Variants in CARHSP1 observed in about 807,000 individuals in gnomAD.
The protein encoded by CARHSP1 is calcium-regulated heat-stable protein 1.
Under a neutral mutation model 12.5 loss-of-function variants are expected in CARHSP1, and 14 were observed. The ratio of observed to expected loss-of-function variants is 1.12; its 90% CI spans 0.74 to 1.75. The LOEUF (loss-of-function observed/expected upper bound fraction) is 1.75, where lower values mean the gene tolerates loss of function less well. CARHSP1 is among the 40% of genes most tolerant of loss of function. CARHSP1 has a pLI of 0.00. For missense variants in CARHSP1, 343 were observed against 201.6 expected, an observed-to-expected ratio of 1.70 and a Z score of -4.25; for synonymous variants, 161 against 82.0, an observed-to-expected ratio of 1.96 and a Z score of -5.20.
chr16:8,857,272 T>TTTG (rs1567181148), intron 3 of CARHSP1, among the ~76,000 whole-genome samples: 1 of 29,336 alleles, frequency 3.4e-5, no homozygotes, highest in Middle Eastern at 0.012. Context: ...TGTTTTTTTT[T>TTTG]TTTTTTTTTT....
rs780248682 is a variant in CARHSP1 at position 8,859,351 on chromosome 16, G to A, written c.-7-16C>T. On this transcript the variant is annotated splice_polypyrimidine_tract_variant and intron_variant, in intron 1 of 3. Coordinates refer to ENST00000311052, the MANE Select transcript of CARHSP1 (RefSeq NM_014316.4). ...CATGGCTGACCTGGAAAGAGAAGAG[G>A]CTGTCAGGGGCTCGTGCCTTGCAAG... 8.2e-5 allele frequency: 130 copies of A among 1,591,806 alleles called. No homozygotes were observed. Among genetic ancestry groups the A allele is most frequent in the Admixed American group, 3.1e-4 (18 of 58,500 alleles).
Position 8,856,664 on chromosome 16 carries a change from G to C in CARHSP1, c.282-1338C>G, listed in dbSNP as rs186627615. Among the ~76,000 whole-genome samples, 662 of 152,258 alleles carry C rather than the reference G, an allele frequency of 4.3e-3. 1 individual carries two copies. The highest frequency in any genetic ancestry group is 0.027 in the Middle Eastern group (8 of 294). ...GAGGGGTAACTCCCCCATTGCAGTG[G>C]GCTCCTCTTTTCAGAAATGTGGTTT... On this transcript the variant is annotated intron_variant, in intron 3 of 3. Transcript: ENST00000311052.
rs1391264431 is a variant in CARHSP1 at position 8,854,835 on chromosome 16, G to T, written c.*329C>A. 5.0e-6 allele frequency: 1 copy of T among 199,678 alleles called. No homozygotes were observed. The highest frequency in any genetic ancestry group is 2.3e-5 in the African/African-American group (1 of 43,374). The allele number at this position is 199,678 out of a possible 1,614,324, so 12.4% of individuals were successfully genotyped here. A position where few individuals can be genotyped will look rare whatever the true frequency, so the allele number is the denominator to read the frequency against. ...CTGTGGGTTGAGCCCATGTGTCTGAGCAGCTGGAGAAATACCACCCTTGAT... is the reference window on the plus strand; with the variant it reads ...CTGTGGGTTGAGCCCATGTGTCTGATCAGCTGGAGAAATACCACCCTTGAT... On this transcript the variant is annotated 3_prime_UTR_variant, in exon 4 of 4. Coordinates refer to ENST00000311052, the MANE Select transcript of CARHSP1 (RefSeq NM_014316.4).
chr16:8,855,016 C>A lies in CARHSP1; in HGVS notation c.*148G>T, dbSNP rs1246969364. 5 of 607,892 alleles carry A rather than the reference C, an allele frequency of 8.2e-6. No individual in the cohort carries two copies. Among genetic ancestry groups the A allele is most frequent in the Non-Finnish European group, 1.3e-5 (5 of 381,664 alleles). The allele number at this position is 607,892 out of a possible 1,614,324, so 37.7% of individuals were successfully genotyped here. A position where few individuals can be genotyped will look rare whatever the true frequency, so the allele number is the denominator to read the frequency against. ...ACACCCCACACCCCACACCTGCCCCCCATACCCCTTCCTCCAGGAGATACT... is the reference window on the plus strand; with the variant it reads ...ACACCCCACACCCCACACCTGCCCCACATACCCCTTCCTCCAGGAGATACT... On this transcript the variant is annotated 3_prime_UTR_variant, in exon 4 of 4. Coordinates refer to ENST00000311052, the MANE Select transcript of CARHSP1 (RefSeq NM_014316.4).
At chr16:8,861,855 G>T (rs2061365186) in intron 1 of CARHSP1, 2 of 1,187,492 alleles carry the variant, frequency 1.7e-6, no homozygotes, top group Admixed American at 3.6e-5. Flanking sequence ...CCTGGGAGGG[G>T]AGGGCCCTGT....
chr16:8,864,002 AGCTGGGG>A (rs1258988915), intron 1 of CARHSP1, among the ~76,000 whole-genome samples: 1 of 152,138 alleles, frequency 6.6e-6, no homozygotes, highest in Non-Finnish European at 1.5e-5. Flanking sequence ...AGCTCCCCAC[AGCTGGGG>A]GAGGGAGGAA....
chr16:8,858,016 G>A (rs780600849), intron 3 of CARHSP1: 6 of 250,232 alleles, frequency 2.4e-5, no homozygotes, highest in Non-Finnish European at 3.9e-5. Flanking sequence ...ACCCACCTCG[G>A]CCTCCCAAAG....
intron 3 of CARHSP1, 57 bp from the exon 4 acceptor site, chr16:8,855,383 C>G (rs765374919): frequency 1.4e-4 from 200 of 1,391,726 alleles, no homozygotes; most frequent in Non-Finnish European, 1.8e-4. Context: ...CTCCCTTCCC[C>G]AAGACACCAG....
intron 1 of CARHSP1, among the ~76,000 whole-genome samples, chr16:8,862,019 A>ATTTTTTTTTTTTTG (rs1555457429): frequency 1.4e-5 from 1 of 72,472 alleles, no homozygotes; most frequent in Non-Finnish European, 2.9e-5. Flanking sequence ...TTTTTTTTTA[A>ATTTTTTTTTTTTTG]TTTGAGATGG....
At chr16:8,855,401 T>G (rs2061066885) in intron 3 of CARHSP1, 75 bp from the exon 4 acceptor site, 4 of 1,324,008 alleles carry the variant, frequency 3.0e-6, no homozygotes, top group Non-Finnish European at 3.0e-6. Flanking sequence ...CAGCCACCCT[T>G]CTGGTCACAC....
At chr16:8,866,539 C>A (rs866255472) in intron 1 of CARHSP1, 3 of 882,300 alleles carry the variant, frequency 3.4e-6, no homozygotes, top group Admixed American at 6.2e-5. Context: ...GGCCGAGAGG[C>A]GGGGCGGGTC....
intron 1 of CARHSP1, among the ~76,000 whole-genome samples, chr16:8,864,709 G>C (rs560678254): frequency 6.6e-6 from 1 of 152,180 alleles, no homozygotes; most frequent in African/African-American, 2.4e-5. Context: ...ATGAGTGCCC[G>C]GCCAAGGGAG....
chr16:8,863,135 T>C (rs556751390), intron 1 of CARHSP1, among the ~76,000 whole-genome samples: 1 of 129,748 alleles, frequency 7.7e-6, no homozygotes, highest in African/African-American at 2.9e-5. Context: ...TTTTTTTTTT[T>C]TTCAGATAGG....
Position 8,859,221 on chromosome 16 carries a change from G to A in CARHSP1, c.108C>T (p.Gly36=), listed in dbSNP as rs1175173901. Reference sequence around the variant, plus strand: ...TGGGCAGTGGGCTTGGGACCACGTTGCCCCGCAGAGGGGATGGTGAGCGCT... The same window carrying A: ...TGGGCAGTGGGCTTGGGACCACGTTACCCCGCAGAGGGGATGGTGAGCGCT... The part of the protein sequence containing the change: ...SRERSPSPLR[G]NVVPSPLPTR... Residue 36 remains glycine, a synonymous_variant, in exon 2 of 4, where the codon GGC becomes GGT. Transcript: ENST00000311052. The A allele has an allele frequency of 2.5e-6, 4 of 1,603,242 alleles. No individual in the cohort carries two copies. Among genetic ancestry groups the A allele is most frequent in the South Asian group, 2.2e-5 (2 of 89,420 alleles).
chr16:8,854,188 A>G lies in CARHSP1; in HGVS notation c.*976T>C, dbSNP rs1376068393. ...AATAAGAAAAAAAAAATCCCTAAGC[A>G]TTTCTTAACACTAGTTTTAAAGAAA... On this transcript the variant is annotated 3_prime_UTR_variant, in exon 4 of 4. Coordinates refer to ENST00000311052, the MANE Select transcript of CARHSP1 (RefSeq NM_014316.4). 1 of 152,032 alleles carries G rather than the reference A, an allele frequency of 6.6e-6. No individual in the cohort carries two copies. Among genetic ancestry groups the G allele is most frequent in the Non-Finnish European group, 1.5e-5 (1 of 68,000 alleles). 9.4% of individuals were successfully genotyped at this position (152,032 alleles called of 1,614,324 possible). A position where few individuals can be genotyped will look rare whatever the true frequency, so the allele number is the denominator to read the frequency against.
At chr16:8,858,855 C>A (rs1217977775) in intron 2 of CARHSP1, 3 of 407,306 alleles carry the variant, frequency 7.4e-6, no homozygotes, top group South Asian at 5.0e-5. Context: ...GGTGCTGTGC[C>A]CATTTTGCAG....
rs71155412 is a variant in CARHSP1, at chr16:8,863,112, CTTT to C, written c.-7-3780_-7-3778del. Among the ~76,000 whole-genome samples the C allele has an allele frequency of 5.5e-3, 409 of 74,092 alleles. 2 individuals carry two copies. Among genetic ancestry groups the C allele is most frequent in the Admixed American group, 8.8e-3 (45 of 5,098 alleles). The allele number at this position is 74,092 out of a possible 152,430, so 48.6% of individuals were successfully genotyped here. On this transcript the variant is annotated intron_variant, in intron 1 of 3. Coordinates refer to ENST00000311052, the MANE Select transcript of CARHSP1 (RefSeq NM_014316.4). ...GGTCCAGGAATGGCCACAAGGATGG[CTTT>C]TTTTTTTTTTTTTTTTTTTTTTCAG...
chr16:8,858,973 G>C (rs779572739), intron 2 of CARHSP1, 198 bp downstream of exon 2: 86 of 500,394 alleles, frequency 1.7e-4, no homozygotes, highest in Non-Finnish European at 2.6e-4. Flanking sequence ...GCTGGTAACA[G>C]GTTCTTCTGG....
chr16:8,855,226 TGAC>T lies in CARHSP1; in HGVS notation c.379_381del (p.Val127del). 1 of 1,613,390 alleles carries T rather than the reference TGAC, an allele frequency of 6.2e-7. No homozygotes were observed. Among genetic ancestry groups the T allele is most frequent in the East Asian group, 2.2e-5 (1 of 44,828 alleles). On this transcript the variant is annotated inframe_deletion, in exon 4 of 4. Transcript: ENST00000311052. The stretch of plus-strand genomic sequence containing the variant: ...TTGGTGCCTGGTGCCAGGTGAGTGA[TGAC>T]GACCTCCACGGCCTGCAGCTTCTCA...
Sources: allele counts gnomAD v4.1 joint callset (sites outside exome capture counted in the v4.1 genomes callset), GRCh38; gene constraint gnomAD v4.1.1; transcripts MANE v1.5; gene names NCBI Gene and HGNC (gene_info 2026-07-23, HGNC 2026-07-21).